The following MROH2A variants were observed in gnomAD, a reference collection of about 807,000 sequenced individuals.
MROH2A encodes the protein maestro heat-like repeat-containing protein family member 2A.
MROH2A carries 174 observed loss-of-function variants against 200.4 expected under a neutral mutation model. The ratio of observed to expected loss-of-function variants is 0.87; its 90% CI spans 0.77 to 0.98. MROH2A has a LOEUF of 0.98. Ranked by LOEUF, MROH2A falls within the 50% of genes least tolerant of loss-of-function variation. The pLI, the probability that MROH2A is intolerant of heterozygous loss-of-function variation, is 0.00. For synonymous variants in MROH2A, 829 were observed against 840.4 expected (o/e 0.99, Z 0.23); for missense variants, 2,045 against 2,139.6 (o/e 0.96, Z 0.87).
chr2:233,793,538 GGT>G lies in MROH2A; in HGVS notation c.671-134_671-133del, dbSNP rs1339064557. The G allele has an allele frequency of 1.9e-5, 14 of 724,056 alleles. No individual in the cohort carries two copies. In the Admixed American group the frequency reaches 5.0e-4, roughly 26 times the overall value. The allele number at this position is 724,056 out of a possible 1,614,324, so 44.9% of individuals were successfully genotyped here. A position where few individuals can be genotyped will look rare whatever the true frequency, so the allele number is the denominator to read the frequency against. On this transcript the variant is annotated intron_variant, in intron 6 of 41. Transcript: ENST00000389758. The stretch of plus-strand genomic sequence containing the variant: ...GAGTAAAAATGAAGGTGCTGTGGGG[GGT>G]TGGAAGGGCAGGGTGCAGCCTGCTC...
chr2:233,810,979 G>A (rs1575976257), intron 23 of MROH2A, 63 bp downstream of exon 23: 1 of 1,530,398 alleles, frequency 6.5e-7, no homozygotes. Context: ...TCCCTGCGGT[G>A]AGAGGTTTTC....
At chr2:233,797,351 G>T (rs1702180666) in intron 11 of MROH2A, among the ~76,000 whole-genome samples, 1 of 152,184 alleles carries the variant, frequency 6.6e-6, no homozygotes, top group South Asian at 2.1e-4. Flanking sequence ...ATTGGACAAA[G>T]GTGCTCATTA....
Position 233,822,240 on chromosome 2 carries a change from C to A in MROH2A, c.3629C>A (p.Ser1210Tyr), listed in dbSNP as rs996606130. 6.7e-5 allele frequency: 104 copies of A among 1,547,866 alleles called. No individual in the cohort carries two copies. Among genetic ancestry groups the A allele is most frequent in the Non-Finnish European group, 8.5e-5 (98 of 1,147,018 alleles). Residue 1210 changes from serine (S) to tyrosine (Y), a missense_variant, in exon 32 of 42, where the codon TCC becomes TAC. By Grantham distance (144) the Ser-to-Tyr change is moderately radical. Around this residue, in one of 3 missense-constraint regions of MROH2A, gnomAD observed 1,201 missense variants for 1,311.3 expected, o/e 0.92. Coordinates refer to ENST00000389758, the MANE Select transcript of MROH2A (RefSeq NM_001394639.1). Reference sequence around the variant, plus strand: ...CTCAGCCCCAGAATCAGTGCCACCTCCAAGGCTGACATCTGGCGCCTGGCT... The same window carrying A: ...CTCAGCCCCAGAATCAGTGCCACCTACAAGGCTGACATCTGGCGCCTGGCT... ...SRLSPRISAT[S>Y]KADIWRLAAV...
At chr2:233,803,768 TG>T in intron 16 of MROH2A, among the ~76,000 whole-genome samples, 1 of 152,156 alleles carries the variant, frequency 6.6e-6, no homozygotes. Context: ...TGCCTACCCC[TG>T]GGGGTTGGCT....
intron 11 of MROH2A, among the ~76,000 whole-genome samples, chr2:233,798,511 G>T (rs937244214): frequency 6.6e-6 from 1 of 152,322 alleles, no homozygotes; most frequent in South Asian, 2.1e-4. Flanking sequence ...TAAAGAGCTC[G>T]TAGGCAGAGA....
At chr2:233,800,380 GC>G in intron 14 of MROH2A, 65 bp downstream of exon 14, 1 of 923,296 alleles carries the variant, frequency 1.1e-6, no homozygotes, top group Non-Finnish European at 1.6e-6. Context: ...AACCACACAT[GC>G]CCAGAATTCC....
intron 37 of MROH2A, 85 bp from the exon 38 acceptor site, chr2:233,829,535 G>T: frequency 3.9e-6 from 5 of 1,280,956 alleles, no homozygotes; most frequent in Non-Finnish European, 4.1e-6. Flanking sequence ...AGGGACCAAG[G>T]CATTGGGTAT....
chr2:233,828,846 C>T lies in MROH2A; in HGVS notation c.4264-44C>T, dbSNP rs534825004. ...GTGCAGGCCGGGTGCCCTGGTCAGC[C>T]TGGGAGGGAGGGTGCAGGCTGAGGG... On this transcript the variant is annotated intron_variant, in intron 36 of 41. Transcript: ENST00000389758. The surrounding 1 kb of genome is among the most constrained non-coding windows in gnomAD (Gnocchi z 4.6). 1.3e-6 allele frequency: 2 copies of T among 1,549,874 alleles called. No individual in the cohort carries two copies. Among genetic ancestry groups the T allele is most frequent in the East Asian group, 4.9e-5 (2 of 40,902 alleles).
At chr2:233,786,079 G>A (rs951196137) in intron 3 of MROH2A, among the ~76,000 whole-genome samples, 4 of 152,044 alleles carry the variant, frequency 2.6e-5, no homozygotes, top group Non-Finnish European at 5.9e-5. Context: ...TAAGTCTCAC[G>A]AGATCTGATG....
Position 233,779,457 on chromosome 2 carries a change from G to C in MROH2A, c.94+5G>C. The C allele has an allele frequency of 6.5e-7, 1 of 1,540,438 alleles. No homozygotes were observed. Among genetic ancestry groups the C allele is most frequent in the Middle Eastern group, 1.8e-4 (1 of 5,704 alleles). On this transcript the variant is annotated splice_donor_5th_base_variant and intron_variant, in intron 2 of 41. Transcript: ENST00000389758. ...CTCTTGAATTACATGACAGTGGTAA[G>C]AATGTCATCCACATTTCTGCTTTCC...
chr2:233,798,694 G>GCGA (rs1559452980), intron 11 of MROH2A, 80 bp from the exon 12 acceptor site: 2 of 981,396 alleles, frequency 2.0e-6, no homozygotes, highest in African/African-American at 3.2e-5. Flanking sequence ...GAGACAGAAC[G>GCGA]TGAGGCCCTG....
chr2:233,795,537 A>G (rs1702049102), intron 8 of MROH2A, 116 bp from the exon 9 acceptor site: 11 of 1,472,190 alleles, frequency 7.5e-6, no homozygotes, highest in Admixed American at 2.0e-5. Context: ...ATTTCTAATC[A>G]GCTCCCAGGG....
At chr2:233,827,019 G>A (rs1286259816) in intron 35 of MROH2A, among the ~76,000 whole-genome samples, 2 of 152,152 alleles carry the variant, frequency 1.3e-5, no homozygotes, top group Admixed American at 1.3e-4. Context: ...AAACCACAAG[G>A]AGATACCATA....
At chr2:233,802,552 C>G (rs1702539095) in intron 15 of MROH2A, 1 of 445,704 alleles carries the variant, frequency 2.2e-6, no homozygotes, top group Admixed American at 3.4e-5. Flanking sequence ...TGTCCTGTCC[C>G]CCCAGCCCAC....
At chr2:233,830,754 T>C (rs1242270682) in intron 38 of MROH2A, among the ~76,000 whole-genome samples, 1 of 152,170 alleles carries the variant, frequency 6.6e-6, no homozygotes, top group African/African-American at 2.4e-5. Flanking sequence ...TTCTGGACTT[T>C]GCCACATCCC....
intron 7 of MROH2A, among the ~76,000 whole-genome samples, chr2:233,794,050 T>G (rs1454577475): frequency 1.3e-5 from 2 of 152,202 alleles, no homozygotes; most frequent in Admixed American, 1.3e-4. Context: ...GTGATAATCC[T>G]GAGAGCACTT....
Position 233,822,015 on chromosome 2 carries a change from C to T in MROH2A, c.3513-109C>T, listed in dbSNP as rs145706891. Reference sequence around the variant, plus strand: ...CCCTCCGCCTCCCTGAGATTCAGTCCCCAGAGTCCAACCCCTACTTAGGGG... The same window carrying T: ...CCCTCCGCCTCCCTGAGATTCAGTCTCCAGAGTCCAACCCCTACTTAGGGG... On this transcript the variant is annotated intron_variant, in intron 31 of 41. Coordinates refer to ENST00000389758, the MANE Select transcript of MROH2A (RefSeq NM_001394639.1). 1.9e-5 allele frequency: 25 copies of T among 1,332,944 alleles called. No individual in the cohort carries two copies. In the African/African-American group the frequency reaches 3.1e-4, roughly 17 times the overall value. The allele number at this position is 1,332,944 out of a possible 1,614,324, so 82.6% of individuals were successfully genotyped here. A position where few individuals can be genotyped will look rare whatever the true frequency, so the allele number is the denominator to read the frequency against.
Position 233,816,879 on chromosome 2 carries a change from T to G in MROH2A, c.2955T>G (p.Ala985=). The part of the protein sequence containing the change: ...YLMWIYVHST[A]VCIHLKLGQF... ...TGTGGATTTATGTCCACAGCACTGCTGTCTGTGTGAGTCCAGGAGTCCCCA... is the reference window on the plus strand; with the variant it reads ...TGTGGATTTATGTCCACAGCACTGCGGTCTGTGTGAGTCCAGGAGTCCCCA... Residue 985 remains alanine (A), a synonymous_variant, in exon 27 of 42, where the codon GCT becomes GCG. Transcript: ENST00000389758. The G allele has an allele frequency of 6.5e-7, 1 of 1,542,788 alleles. No homozygotes were observed. The highest frequency in any genetic ancestry group is 1.2e-5 in the South Asian group (1 of 83,800).
At chr2:233,789,215 A>G (rs1701573090) in intron 3 of MROH2A, among the ~76,000 whole-genome samples, 1 of 152,200 alleles carries the variant, frequency 6.6e-6, no homozygotes, top group African/African-American at 2.4e-5. Context: ...TGCCCCATGC[A>G]TAGAGAACCT....
Sources: gnomAD v4.1 joint callset for allele counts (sites outside exome capture counted in the v4.1 genomes callset) on GRCh38, gnomAD v4.1.1 for gene constraint, gnomAD v4.1.1 regional missense constraint, Gnocchi (gnomAD v3.1) non-coding constraint, MANE v1.5 for transcripts, NCBI Gene and HGNC (gene_info 2026-07-23, HGNC 2026-07-21) for gene names.